The following ERC1 variants were observed in gnomAD, a reference collection of about 807,000 sequenced individuals.
ERC1 encodes the protein ELKS/RAB6-interacting/CAST family member 1, also known as RAB6 interacting protein 2.
In ERC1, 56 loss-of-function variants were observed where a neutral mutation model predicts 132.0. That is an observed-to-expected ratio of 0.42 (90% CI 0.34 to 0.53). ERC1 has a LOEUF of 0.53. ERC1 is among the 20% of genes least tolerant of loss of function. ERC1 has a pLI of 0.03. For synonymous variants in ERC1, 478 were observed against 476.1 expected (o/e 1.00, Z -0.05); for missense variants, 1,202 against 1,349.9 (o/e 0.89, Z 1.72).
At chr12:1,124,870 C>G (rs1159378709) in intron 7 of ERC1, among the ~76,000 whole-genome samples, 3 of 151,986 alleles carry the variant, frequency 2.0e-5, no homozygotes, top group African/African-American at 7.2e-5. Context: ...AGAAGAAGTT[C>G]AAGAGATAAG....
At chr12:1,413,256 A>T (rs1281926657) in intron 17 of ERC1, among the ~76,000 whole-genome samples, 1 of 151,414 alleles carries the variant, frequency 6.6e-6, no homozygotes, top group Non-Finnish European at 1.5e-5. Context: ...CTCCACTCAT[A>T]AAAAAAAATA....
At chr12:990,144 A>C (rs1438597711), upstream of ERC1, 1 of 152,230 alleles carries the variant, frequency 6.6e-6, no homozygotes, top group African/African-American at 2.4e-5. Flanking sequence ...TAATGGGATT[A>C]TGAGGCAGTA....
At chr12:1,207,553 G>C (rs1480010601) in intron 12 of ERC1, among the ~76,000 whole-genome samples, 1 of 152,186 alleles carries the variant, frequency 6.6e-6, no homozygotes, top group African/African-American at 2.4e-5. Flanking sequence ...GCACAAGCAA[G>C]TGTAACATCT....
intron 16 of ERC1, among the ~76,000 whole-genome samples, chr12:1,388,946 T>TG (rs772467469): frequency 5.3e-5 from 8 of 152,194 alleles, no homozygotes; most frequent in Admixed American, 2.0e-4. Context: ...CTGCCCTCCA[T>TG]GCAGCAATTC....
intron 1 of ERC1, 52 bp from the exon 2 acceptor site, chr12:1,027,696 G>C (rs1290563960): frequency 1.8e-6 from 1 of 551,384 alleles, no homozygotes; most frequent in African/African-American, 1.9e-5. Flanking sequence ...AAGTCTCTGA[G>C]AAGGGAAATA....
intron 13 of ERC1, among the ~76,000 whole-genome samples, chr12:1,244,005 T>G (rs997641495): frequency 6.6e-6 from 1 of 152,194 alleles, no homozygotes; most frequent in East Asian, 1.9e-4. Context: ...CCCAGTAATA[T>G]CGCCTAGGTA....
chr12:1,130,632 C>CTTT (rs201618993), intron 7 of ERC1, among the ~76,000 whole-genome samples: 71,154 of 147,036 alleles, frequency 0.48, 20,242 homozygotes, highest in East Asian at 0.79. Context: ...AACGTATAGT[C>CTTT]TTTTTTTTTT....
At chr12:1,218,295 C>T (rs965131294) in intron 12 of ERC1, among the ~76,000 whole-genome samples, 47 of 152,114 alleles carry the variant, frequency 3.1e-4, no homozygotes, top group African/African-American at 9.9e-4. Flanking sequence ...GTTGCCCAAC[C>T]TAAAGATGCT....
intron 7 of ERC1, among the ~76,000 whole-genome samples, chr12:1,130,449 C>T (rs1319283830): frequency 1.3e-5 from 2 of 152,114 alleles, no homozygotes; most frequent in Non-Finnish European, 2.9e-5. Context: ...GGCTGACTGC[C>T]ATGCTTTATC....
At position 1,148,182 on chromosome 12, in the gene ERC1, G is replaced by A. The variant is rs1002223688; in HGVS notation, c.1737+6395G>A. Among the ~76,000 whole-genome samples, 17 of 152,154 alleles carry A rather than the reference G, an allele frequency of 1.1e-4. 1 individual carries two copies. Among genetic ancestry groups the A allele is most frequent in the Admixed American group, 9.2e-4 (14 of 15,286 alleles). On this transcript the variant is annotated intron_variant, in intron 8 of 18. Coordinates refer to ENST00000360905, the MANE Select transcript of ERC1 (RefSeq NM_178040.4). Reference sequence around the variant, plus strand: ...ATTTTTAACTAGGTAAAAATTTTTAGAAAAGTTTTTGTATTAGTCCATTTT... The same window carrying A: ...ATTTTTAACTAGGTAAAAATTTTTAAAAAAGTTTTTGTATTAGTCCATTTT...
intron 15 of ERC1, among the ~76,000 whole-genome samples, chr12:1,336,109 T>C (rs949099399): frequency 1.3e-5 from 2 of 152,196 alleles, no homozygotes; most frequent in Admixed American, 6.5e-5. Context: ...GGTAATAATA[T>C]CCTTTTTGTT....
intron 8 of ERC1, among the ~76,000 whole-genome samples, chr12:1,175,161 T>C (rs566125208): frequency 6.6e-5 from 10 of 152,178 alleles, no homozygotes; most frequent in Non-Finnish European, 8.8e-5. Flanking sequence ...CTTGCCTCTG[T>C]GTTGGTGGCT....
intron 8 of ERC1, among the ~76,000 whole-genome samples, chr12:1,151,645 A>G (rs1383923989): frequency 6.6e-6 from 1 of 152,216 alleles, no homozygotes; most frequent in Non-Finnish European, 1.5e-5. Flanking sequence ...TCTCAGTGCC[A>G]GGCACTTTTC....
intron 1 of ERC1, among the ~76,000 whole-genome samples, chr12:1,000,751 A>T (rs1051462558): frequency 1.4e-4 from 22 of 152,160 alleles, no homozygotes; most frequent in Non-Finnish European, 2.9e-4. Context: ...ACAGAGCAAG[A>T]TTCTGTCTTA....
At chr12:1,425,631 T>C (rs986285273) in intron 17 of ERC1, among the ~76,000 whole-genome samples, 4 of 152,246 alleles carry the variant, frequency 2.6e-5, no homozygotes, top group African/African-American at 2.4e-5. Flanking sequence ...TGTGAGACAA[T>C]GTTGATCTGT....
intron 3 of ERC1, among the ~76,000 whole-genome samples, chr12:1,091,569 A>G (rs1167030348): frequency 6.6e-6 from 1 of 152,226 alleles, no homozygotes; most frequent in Non-Finnish European, 1.5e-5. Context: ...TTTACTGGAC[A>G]CCAACCATGC....
At chr12:1,248,056 C>G (rs949363061) in intron 13 of ERC1, among the ~76,000 whole-genome samples, 1 of 152,150 alleles carries the variant, frequency 6.6e-6, no homozygotes, top group Admixed American at 6.5e-5. Flanking sequence ...AGATTAGACT[C>G]AAATCCTCAA....
rs147111537 is a variant in ERC1 at position 1,416,210 on chromosome 12, C to T, written c.3024+7963C>T. ...CTGTAGGTTACCCAAGACAGACCCT[C>T]ACTGAAAAGAAACTAAGTGGTTTCT... On this transcript the variant is annotated intron_variant, in intron 17 of 18. Transcript: ENST00000360905. Among the ~76,000 whole-genome samples, 32 of 152,264 alleles carry T rather than the reference C, an allele frequency of 2.1e-4. No individual in the cohort carries two copies. In the East Asian group the frequency reaches 5.8e-3, roughly 28 times the overall value.
chr12:1,234,502 A>G (rs2075282456), intron 12 of ERC1, among the ~76,000 whole-genome samples: 1 of 152,312 alleles, frequency 6.6e-6, no homozygotes, highest in East Asian at 1.9e-4. Context: ...CCAAACTGAC[A>G]TTGCTTCAAT....
Sources: gnomAD v4.1 joint callset for allele counts (sites outside exome capture counted in the v4.1 genomes callset) on GRCh38, gnomAD v4.1.1 for gene constraint, MANE v1.5 for transcripts, NCBI Gene and HGNC (gene_info 2026-07-23, HGNC 2026-07-21) for gene names.